The following ASAP1 variants were observed in gnomAD, a reference collection of about 807,000 sequenced individuals.
ASAP1 encodes arf-GAP with SH3 domain, ANK repeat and PH domain-containing protein 1.
In ASAP1, 43 loss-of-function variants were observed where a neutral mutation model predicts 145.2. That is an observed-to-expected ratio of 0.30 (90% CI 0.23 to 0.38). The LOEUF (loss-of-function observed/expected upper bound fraction) is 0.38, where lower values mean the gene tolerates loss of function less well. ASAP1 is among the 10% of genes least tolerant of loss of function. ASAP1 has a pLI of 1.00. For missense variants in ASAP1, 1,018 were observed against 1,355.3 expected, an observed-to-expected ratio of 0.75 and a Z score of 3.91; for synonymous variants, 546 against 515.5, an observed-to-expected ratio of 1.06 and a Z score of -0.80.
intron 1 of ASAP1, among the ~76,000 whole-genome samples, chr8:130,440,330 A>G (rs1195277669): frequency 2.6e-5 from 4 of 152,108 alleles, no homozygotes; most frequent in African/African-American, 9.7e-5. Flanking sequence ...AACACGGCGA[A>G]ACCCCGTCTC....
At chr8:130,172,244 G>A (rs755179143) in intron 9 of ASAP1, among the ~76,000 whole-genome samples, 3 of 152,102 alleles carry the variant, frequency 2.0e-5, no homozygotes, top group Non-Finnish European at 4.4e-5. Flanking sequence ...GAGGGATACA[G>A]ATTCTTTGTA....
chr8:130,231,665 T>C (rs1269712977), intron 4 of ASAP1, among the ~76,000 whole-genome samples: 1 of 152,244 alleles, frequency 6.6e-6, no homozygotes, highest in East Asian at 1.9e-4. Context: ...TGTACCTGTG[T>C]TGTGTGAGAA....
At chr8:130,320,368 C>A (rs1230846116) in intron 3 of ASAP1, among the ~76,000 whole-genome samples, 1 of 152,104 alleles carries the variant, frequency 6.6e-6, no homozygotes, top group South Asian at 2.1e-4. Flanking sequence ...CCAGCCTGAG[C>A]GACATGACAA....
intron 3 of ASAP1, among the ~76,000 whole-genome samples, chr8:130,298,931 ATC>A (rs1019551461): frequency 6.6e-6 from 1 of 152,168 alleles, no homozygotes; most frequent in African/African-American, 2.4e-5. Context: ...CAGAAAACAC[ATC>A]TGTCTTGTAG....
rs184989334 is a variant in ASAP1 at position 130,068,470 on chromosome 8, T to C, written c.2702-7401A>G. ...CGAAAGAACTGTTTCATTCTGTAGA[T>C]CAGTATCATCAGCTTCCTGAGGAAC... On this transcript the variant is annotated intron_variant, in intron 27 of 29. Coordinates refer to ENST00000518721, the MANE Select transcript of ASAP1 (RefSeq NM_018482.4). 8.1e-3 allele frequency among the ~76,000 whole-genome samples: 1,232 copies of C among 152,312 alleles called. 11 individuals carry two copies. The highest frequency in any genetic ancestry group is 0.012 in the Non-Finnish European group (817 of 68,022).
intron 3 of ASAP1, among the ~76,000 whole-genome samples, chr8:130,239,870 A>C (rs554039606): frequency 4.3e-4 from 66 of 152,278 alleles, no homozygotes; most frequent in South Asian, 1.7e-3. Flanking sequence ...GAGAAGAGCC[A>C]GCCTATGCTT....
intron 25 of ASAP1, among the ~76,000 whole-genome samples, chr8:130,091,504 G>A (rs200762597): frequency 1.0e-3 from 154 of 152,330 alleles, no homozygotes; most frequent in African/African-American, 3.4e-3. Flanking sequence ...ATAAGAGCCC[G>A]ATCATGCAGG....
At chr8:130,402,294 G>A (rs1473486163) in intron 1 of ASAP1, among the ~76,000 whole-genome samples, 1 of 152,124 alleles carries the variant, frequency 6.6e-6, no homozygotes, top group Non-Finnish European at 1.5e-5. Flanking sequence ...AAATTAAAGT[G>A]TGCTGATGGA....
At chr8:130,416,535 A>G (rs961009930) in intron 1 of ASAP1, among the ~76,000 whole-genome samples, 36 of 152,200 alleles carry the variant, frequency 2.4e-4, no homozygotes, top group African/African-American at 8.4e-4. Flanking sequence ...CTTTGCAACT[A>G]TCTCCAAAAT....
At chr8:130,315,043 CA>C (rs1823586295) in intron 3 of ASAP1, among the ~76,000 whole-genome samples, 1 of 152,104 alleles carries the variant, frequency 6.6e-6, no homozygotes, top group African/African-American at 2.4e-5. Flanking sequence ...TTTACTATGA[CA>C]ATTAGTGGAG....
rs1374643952 is a variant in ASAP1 at position 130,052,338 on chromosome 8, G to C, written c.*2393C>G. 6.6e-6 allele frequency: 1 copy of C among 152,454 alleles called. No individual in the cohort carries two copies. The highest frequency in any genetic ancestry group is 1.5e-5 in the Non-Finnish European group (1 of 68,024). 9.4% of individuals were successfully genotyped at this position (152,454 alleles called of 1,614,324 possible). A position where few individuals can be genotyped will look rare whatever the true frequency, so the allele number is the denominator to read the frequency against. ...AATAAAAAAATAAATAGCAATTGCTGTTCAACAGTAAAATAAGACACACAC... is the reference window on the plus strand; with the variant it reads ...AATAAAAAAATAAATAGCAATTGCTCTTCAACAGTAAAATAAGACACACAC... On this transcript the variant is annotated 3_prime_UTR_variant, in exon 30 of 30. Coordinates refer to ENST00000518721, the MANE Select transcript of ASAP1 (RefSeq NM_018482.4).
chr8:130,198,134 A>AT (rs200376344), intron 5 of ASAP1, among the ~76,000 whole-genome samples: 4,278 of 139,736 alleles, frequency 0.031, 98 homozygotes, highest in East Asian at 0.069. Context: ...TTTTCATAAG[A>AT]TTTTTTTTTT....
At chr8:130,235,426 A>G (rs1818157111) in intron 4 of ASAP1, among the ~76,000 whole-genome samples, 1 of 152,110 alleles carries the variant, frequency 6.6e-6, no homozygotes, top group African/African-American at 2.4e-5. Flanking sequence ...AGAAACAACA[A>G]TATCAGCACC....
intron 7 of ASAP1, among the ~76,000 whole-genome samples, chr8:130,182,945 C>T (rs182727039): frequency 3.3e-5 from 5 of 150,446 alleles, no homozygotes; most frequent in Admixed American, 3.3e-4. Flanking sequence ...AAAAAATAAC[C>T]TAAAATATAA....
intron 12 of ASAP1, among the ~76,000 whole-genome samples, chr8:130,158,393 T>C (rs898574352): frequency 1.3e-5 from 2 of 150,682 alleles, no homozygotes; most frequent in African/African-American, 2.4e-5. Flanking sequence ...CATGTGCCTA[T>C]AGTCCCAGCT....
rs540665298 is a variant in ASAP1 at position 130,367,813 on chromosome 8, C to G, written c.60-9670G>C. Among the ~76,000 whole-genome samples, 18 of 152,366 alleles carry G rather than the reference C, an allele frequency of 1.2e-4. No homozygotes were observed. The East Asian group carries it at 3.5e-3, about 29-fold the overall frequency. On this transcript the variant is annotated intron_variant, in intron 2 of 29. Transcript: ENST00000518721. ...TAAAGATACCCTATATTACATGAAT[C>G]TGTCACAGTATTCTCTTGTTGCTTT... is the stretch of plus-strand genomic sequence containing the variant.
At chr8:130,080,479 T>A (rs978465109) in intron 25 of ASAP1, among the ~76,000 whole-genome samples, 1 of 23,142 alleles carries the variant, frequency 4.3e-5, no homozygotes. Context: ...ATTCTCTCTC[T>A]TTTTTTTTTT....
rs142900202 is a variant in ASAP1, at chr8:130,269,557, C to T, written c.187-32563G>A. On this transcript the variant is annotated intron_variant, in intron 3 of 29. Coordinates refer to ENST00000518721, the MANE Select transcript of ASAP1 (RefSeq NM_018482.4). ...GTAATACATGCCACCTACCAAAGTC[C>T]CTCTCCAAGTTTCATACTGACAGAG... 1.4e-3 allele frequency among the ~76,000 whole-genome samples: 214 copies of T among 152,248 alleles called. 2 individuals carry two copies. In the East Asian group the frequency reaches 0.034, roughly 24 times the overall value.
chr8:130,327,074 T>C (rs1002451846), intron 3 of ASAP1, among the ~76,000 whole-genome samples: 3 of 152,154 alleles, frequency 2.0e-5, no homozygotes, highest in African/African-American at 4.8e-5. Context: ...GGCAGGATGA[T>C]CACATGCCAA....
Sources: allele counts gnomAD v4.1 joint callset (sites outside exome capture counted in the v4.1 genomes callset), GRCh38; gene constraint gnomAD v4.1.1; transcripts MANE v1.5; gene names NCBI Gene and HGNC (gene_info 2026-07-23, HGNC 2026-07-21).